The following ELP2 variants were observed in gnomAD, a reference collection of about 807,000 sequenced individuals.
ELP2 encodes the protein elongator acetyltransferase complex subunit 2.
Under a neutral mutation model 119.2 loss-of-function variants are expected in ELP2, and 90 were observed. The ratio of observed to expected loss-of-function variants is 0.75; its 90% CI spans 0.64 to 0.90. The LOEUF (loss-of-function observed/expected upper bound fraction) is 0.90. Ranked by LOEUF, ELP2 falls within the 40% of genes least tolerant of loss-of-function variation. ELP2 has a pLI of 0.00. For synonymous variants in ELP2, 339 were observed against 331.0 expected (o/e 1.02, Z -0.26); for missense variants, 921 against 967.8 (o/e 0.95, Z 0.64).
intron 1 of ELP2, among the ~76,000 whole-genome samples, chr18:36,132,745 G>A (rs17672308): frequency 0.24 from 35,938 of 152,016 alleles, 5,240 homozygotes; most frequent in East Asian, 0.56. Context: ...AAAACCCACC[G>A]TCTCATTGGC....
rs1224182244 is a variant in ELP2 at position 36,174,592 on chromosome 18, G to A, written c.2432G>A (p.Gly811Asp). Reference sequence around the variant, plus strand: ...GAGTGGTTACACTTTGCAAGCTGTGGTGAAGATCACACTGTGAAGATACAC... The same window carrying A: ...GAGTGGTTACACTTTGCAAGCTGTGATGAAGATCACACTGTGAAGATACAC... ...GAEWLHFASC[G>D]EDHTVKIHRV... Residue 811 changes from glycine to aspartate, a missense_variant, in exon 22 of 22, where the codon GGT (glycine) becomes GAT (aspartate). Coordinates refer to ENST00000358232, the MANE Select transcript of ELP2 (RefSeq NM_018255.4). 1.2e-6 allele frequency: 2 copies of A among 1,614,062 alleles called. No individual in the cohort carries two copies. The highest frequency in any genetic ancestry group is 2.7e-5 in the African/African-American group (2 of 74,938).
At chr18:36,142,393 G>T in intron 7 of ELP2, 46 bp downstream of exon 7, 2 of 1,457,918 alleles carry the variant, frequency 1.4e-6, no homozygotes, top group Non-Finnish European at 9.6e-7. Context: ...GAACAAATAT[G>T]TGTTACTTCC....
intron 11 of ELP2, among the ~76,000 whole-genome samples, chr18:36,150,329 A>G (rs1037833608): frequency 3.3e-5 from 5 of 152,218 alleles, no homozygotes; most frequent in Admixed American, 3.3e-4. Context: ...TCTAGGGGAA[A>G]AGAAACTCCT....
intron 17 of ELP2, 56 bp downstream of exon 17, chr18:36,161,060 T>A (rs549386536): frequency 1.5e-6 from 2 of 1,296,934 alleles, no homozygotes; most frequent in African/African-American, 2.9e-5. Flanking sequence ...GTCATCAGGC[T>A]CCTGCAAGTT....
At position 36,175,812 on chromosome 18, in the gene ELP2, A is replaced by G. The variant is rs2091210725; in HGVS notation, c.*1171A>G. On this transcript the variant is annotated 3_prime_UTR_variant, in exon 22 of 22. Coordinates refer to ENST00000358232, the MANE Select transcript of ELP2 (RefSeq NM_018255.4). The stretch of plus-strand genomic sequence containing the variant: ...TCCAGCCCTGTTGGAACATAGAGCC[A>G]TTTGGCAGATTGACAATGCAGTGAC... 1 of 152,028 alleles carries G rather than the reference A, an allele frequency of 6.6e-6. No individual in the cohort carries two copies. The highest frequency in any genetic ancestry group is 2.4e-5 in the African/African-American group (1 of 41,382). The allele number at this position is 152,028 out of a possible 1,614,324, so 9.4% of individuals were successfully genotyped here. A position where few individuals can be genotyped will look rare whatever the true frequency, so the allele number is the denominator to read the frequency against.
chr18:36,167,770 C>T (rs1384398160), intron 19 of ELP2, among the ~76,000 whole-genome samples: 1 of 151,086 alleles, frequency 6.6e-6, no homozygotes, highest in East Asian at 2.0e-4. Flanking sequence ...ACCTCCTGGG[C>T]CCAAGCAATT....
chr18:36,168,929 T>G lies in ELP2; in HGVS notation c.2077-1134T>G, dbSNP rs1230188736. Among the ~76,000 whole-genome samples the G allele has an allele frequency of 3.7e-5, 5 of 136,452 alleles. 1 individual carries two copies. The highest frequency in any genetic ancestry group is 7.5e-5 in the Admixed American group (1 of 13,352). 89.5% of individuals were successfully genotyped at this position (136,452 alleles called of 152,430 possible). On this transcript the variant is annotated intron_variant, in intron 19 of 21. Transcript: ENST00000358232. ...TCTCCATTTCTTTTTTTTTTTTTTT[T>G]TTTTTTTTTTTTGAGATGGAGTTTC...
intron 3 of ELP2, 183 bp from the exon 4 acceptor site, chr18:36,138,087 T>C (rs2089894038): frequency 1.7e-6 from 1 of 589,498 alleles, no homozygotes; most frequent in Non-Finnish European, 3.0e-6. Context: ...ATGAGATTGC[T>C]GTGTCACAGG....
chr18:36,158,825 T>C lies in ELP2; in HGVS notation c.1465-10T>C. On this transcript the variant is annotated splice_polypyrimidine_tract_variant and intron_variant, in intron 13 of 21. Coordinates refer to ENST00000358232, the MANE Select transcript of ELP2 (RefSeq NM_018255.4). ...CATTTATAACTTAGATATTATATTT[T>C]CTATTCTAGCAAGATAGTGATCTTC... 2.6e-6 allele frequency: 4 copies of C among 1,559,164 alleles called. No individual in the cohort carries two copies. Among genetic ancestry groups the C allele is most frequent in the Non-Finnish European group, 3.5e-6 (4 of 1,131,506 alleles).
rs563614127 is a variant in ELP2, at chr18:36,142,712, GTA to G, written c.656-112_656-111del. ...ATGAATTGGAGGGTAAGGAAACAAA[GTA>G]TTGTTTTTTTTCTGGAAAATCTGGA... On this transcript the variant is annotated intron_variant, in intron 7 of 21. Transcript: ENST00000358232. 1.8e-4 allele frequency: 127 copies of G among 711,774 alleles called. No homozygotes were observed. The African/African-American group carries it at 2.0e-3, about 11-fold the overall frequency. 44.1% of individuals were successfully genotyped at this position (711,774 alleles called of 1,614,324 possible).
Position 36,138,059 on chromosome 18 carries a change from CAG to C in ELP2, c.289-208_289-207del, listed in dbSNP as rs147262418. 3,028 of 545,682 alleles carry C rather than the reference CAG, an allele frequency of 5.5e-3. 73 individuals are homozygous for C. Among genetic ancestry groups the C allele is most frequent in the African/African-American group, 0.053 (2,795 of 52,790 alleles). 33.8% of individuals were successfully genotyped at this position (545,682 alleles called of 1,614,324 possible). A position where few individuals can be genotyped will look rare whatever the true frequency, so the allele number is the denominator to read the frequency against. ...TTCTTCAGAATACCTATTGTCTCCT[CAG>C]AGTAGATTCCTAGATATGAGATTGC... is the stretch of plus-strand genomic sequence containing the variant. On this transcript the variant is annotated intron_variant, in intron 3 of 21. Coordinates refer to ENST00000358232, the MANE Select transcript of ELP2 (RefSeq NM_018255.4).
At position 36,146,309 on chromosome 18, in the gene ELP2, A is replaced by T. The variant is rs1183615958; in HGVS notation, c.1053A>T (p.Glu351Asp). 2 of 1,613,968 alleles carry T rather than the reference A, an allele frequency of 1.2e-6. No individual in the cohort carries two copies. The highest frequency in any genetic ancestry group is 3.3e-5 in the Admixed American group (2 of 60,002). ...GATTTTATGATTGCCAGTTCAATGA[A>T]GATGGCTCCATGATCATTGCTCATG... ...TLGFYDCQFN[E>D]DGSMIIAHAF... The change falls in exon 11 of 22, where the codon GAA becomes GAT. Residue 351 changes from glutamate to aspartate, a missense_variant. Coordinates refer to ENST00000358232, the MANE Select transcript of ELP2 (RefSeq NM_018255.4).
At chr18:36,157,738 C>T (rs1481884079) in intron 13 of ELP2, among the ~76,000 whole-genome samples, 1 of 152,126 alleles carries the variant, frequency 6.6e-6, no homozygotes, top group East Asian at 1.9e-4. Flanking sequence ...TACAGGCTTT[C>T]TTGATTATGT....
At chr18:36,157,145 T>G (rs540316993) in intron 13 of ELP2, among the ~76,000 whole-genome samples, 1 of 152,304 alleles carries the variant, frequency 6.6e-6, no homozygotes, top group East Asian at 1.9e-4. Flanking sequence ...GGGACTTGAT[T>G]TGGGTTTTGT....
At chr18:36,155,359 C>T (rs1568005435) in intron 12 of ELP2, among the ~76,000 whole-genome samples, 1 of 146,478 alleles carries the variant, frequency 6.8e-6, no homozygotes, top group Non-Finnish European at 1.5e-5. Flanking sequence ...AGAAAACATC[C>T]ATGAACACAA....
rs575660839 is a variant in ELP2, at chr18:36,132,563, A to G, written c.139-675A>G. On this transcript the variant is annotated intron_variant, in intron 1 of 21. Transcript: ENST00000358232. ...CTGTAAAGAGGAAGGTGCAGTAGTCACAGTTAAAATCTTTAATGGTGTGTG... is the reference window on the plus strand; with the variant it reads ...CTGTAAAGAGGAAGGTGCAGTAGTCGCAGTTAAAATCTTTAATGGTGTGTG... Among the ~76,000 whole-genome samples, 43 of 152,340 alleles carry G rather than the reference A, an allele frequency of 2.8e-4. No homozygotes were observed. In the South Asian group the frequency reaches 7.7e-3, roughly 27 times the overall value.
At chr18:36,170,464 G>A (rs1032495245) in intron 20 of ELP2, among the ~76,000 whole-genome samples, 3 of 151,836 alleles carry the variant, frequency 2.0e-5, no homozygotes, top group Non-Finnish European at 2.9e-5. Flanking sequence ...GGCATGCGCC[G>A]TCACGCCTGG....
intron 6 of ELP2, among the ~76,000 whole-genome samples, chr18:36,141,692 CT>C (rs1204242187): frequency 3.5e-3 from 479 of 137,234 alleles, no homozygotes; most frequent in African/African-American, 7.3e-3. Context: ...AGCTATTCAA[CT>C]TTTTTTTTTT....
chr18:36,139,718 GAA>G, intron 5 of ELP2: 1 of 1,019,658 alleles, frequency 9.8e-7, no homozygotes, highest in Non-Finnish European at 1.4e-6. Flanking sequence ...CATGTCCTTA[GAA>G]AAAGTCTCTT....
Sources: allele counts gnomAD v4.1 joint callset (sites outside exome capture counted in the v4.1 genomes callset), GRCh38; gene constraint gnomAD v4.1.1; transcripts MANE v1.5; gene names NCBI Gene and HGNC (gene_info 2026-07-23, HGNC 2026-07-21).